Variants in SORCS3 observed in about 807,000 individuals in gnomAD.
SORCS3 encodes the protein VPS10 domain-containing receptor SorCS3.
SORCS3 carries 57 observed loss-of-function variants against 146.3 expected under a neutral mutation model. The observed-to-expected ratio is 0.39, with a 90% CI of 0.31 to 0.49. The LOEUF is 0.49. Among genes scored for constraint, SORCS3 ranks in the 20% least tolerant of loss-of-function variants. SORCS3 has a pLI of 0.92. For missense variants in SORCS3, 1,341 were observed against 1,575.5 expected (o/e 0.85, Z 2.52); for synonymous variants, 653 against 618.5 (o/e 1.06, Z -0.83).
chr10:104,674,494 A>G (rs1259926740), intron 1 of SORCS3, among the ~76,000 whole-genome samples: 1 of 152,248 alleles, frequency 6.6e-6, no homozygotes, highest in Non-Finnish European at 1.5e-5. Flanking sequence ...ACAACCAATG[A>G]AGAATTAAGG....
intron 4 of SORCS3, among the ~76,000 whole-genome samples, chr10:104,989,726 G>A (rs970778900): frequency 3.9e-5 from 6 of 152,130 alleles, no homozygotes; most frequent in African/African-American, 1.2e-4. Context: ...CAGAAGTCCC[G>A]AACTGAGGCC....
intron 4 of SORCS3, among the ~76,000 whole-genome samples, chr10:105,006,832 A>G (rs1589590885): frequency 6.6e-6 from 1 of 152,154 alleles, no homozygotes; most frequent in East Asian, 1.9e-4. Flanking sequence ...ACTTCTTCTC[A>G]ACTTACAACA....
At chr10:105,061,543 C>T (rs1436508968) in intron 5 of SORCS3, among the ~76,000 whole-genome samples, 1 of 151,696 alleles carries the variant, frequency 6.6e-6, no homozygotes, top group Admixed American at 6.6e-5. Context: ...GATCCACCTG[C>T]CTCGGCCCCC....
At chr10:105,180,102 G>A (rs912809224) in intron 14 of SORCS3, among the ~76,000 whole-genome samples, 4 of 152,172 alleles carry the variant, frequency 2.6e-5, no homozygotes, top group African/African-American at 9.6e-5. Context: ...GAACTTAGGA[G>A]ATTTTATAAA....
At chr10:105,171,011 C>T (rs889317524) in intron 13 of SORCS3, among the ~76,000 whole-genome samples, 2 of 152,066 alleles carry the variant, frequency 1.3e-5, no homozygotes, top group African/African-American at 2.4e-5. Flanking sequence ...TGTCATAGAT[C>T]TCAGACTGAC....
At chr10:104,963,342 C>T (rs2054806831) in intron 3 of SORCS3, among the ~76,000 whole-genome samples, 1 of 152,306 alleles carries the variant, frequency 6.6e-6, no homozygotes, top group East Asian at 1.9e-4. Flanking sequence ...CAATACCCTC[C>T]CTGTTGCTAC....
intron 1 of SORCS3, among the ~76,000 whole-genome samples, chr10:104,835,930 C>A (rs1358191335): frequency 2.4e-4 from 37 of 152,256 alleles, no homozygotes; most frequent in Non-Finnish European, 1.6e-4. Context: ...GAAAGTGTAC[C>A]ATTACCCCAT....
At chr10:104,858,916 T>C (rs540996707) in intron 2 of SORCS3, among the ~76,000 whole-genome samples, 5 of 141,216 alleles carry the variant, frequency 3.5e-5, no homozygotes, top group Admixed American at 3.0e-4. Flanking sequence ...CCACCGCACC[T>C]GGCCTGAGAA....
chr10:105,226,549 A>G (rs534994428), intron 20 of SORCS3, among the ~76,000 whole-genome samples: 147 of 152,162 alleles, frequency 9.7e-4, no homozygotes, highest in African/African-American at 3.4e-3. Flanking sequence ...TGGTTTGAGT[A>G]TCAGGGTAAT....
At chr10:105,178,967 G>A (rs1370185715) in intron 14 of SORCS3, among the ~76,000 whole-genome samples, 1 of 152,170 alleles carries the variant, frequency 6.6e-6, no homozygotes, top group Non-Finnish European at 1.5e-5. Flanking sequence ...ATCTTCCTAC[G>A]CTTAGGGACA....
intron 4 of SORCS3, among the ~76,000 whole-genome samples, chr10:105,017,437 G>T (rs2055174870): frequency 6.6e-6 from 1 of 152,170 alleles, no homozygotes; most frequent in Non-Finnish European, 1.5e-5. Flanking sequence ...ACAAAGTCTG[G>T]TTGGATTAGC....
intron 9 of SORCS3, among the ~76,000 whole-genome samples, chr10:105,149,911 G>A (rs1422025290): frequency 6.6e-6 from 1 of 152,142 alleles, no homozygotes; most frequent in Non-Finnish European, 1.5e-5. Context: ...AGTTGGTCTT[G>A]TGTTTTCAGT....
chr10:105,208,347 GAA>G (rs752487151), intron 16 of SORCS3, among the ~76,000 whole-genome samples: 4 of 118,994 alleles, frequency 3.4e-5, no homozygotes, highest in Non-Finnish European at 3.6e-5. Flanking sequence ...TCTCAGAGAG[GAA>G]AAAAAAAAAA....
intron 10 of SORCS3, 66 bp from the exon 11 acceptor site, chr10:105,158,826 C>T: frequency 3.3e-6 from 4 of 1,229,264 alleles, no homozygotes; most frequent in South Asian, 1.2e-5. Flanking sequence ...AAGCCCATCT[C>T]TAGTGGGGCA....
chr10:104,665,899 T>C (rs1359752682), intron 1 of SORCS3: 1 of 152,128 alleles, frequency 6.6e-6, no homozygotes, highest in Non-Finnish European at 1.5e-5. Flanking sequence ...GAAGAGTCCG[T>C]GGGTTCTTAT....
At chr10:105,152,306 A>G (rs1435418929) in intron 9 of SORCS3, among the ~76,000 whole-genome samples, 1 of 152,224 alleles carries the variant, frequency 6.6e-6, no homozygotes, top group South Asian at 2.1e-4. Flanking sequence ...TGCTTCCCAC[A>G]TTTTATAAAG....
chr10:105,001,806 A>T (rs951746622), intron 4 of SORCS3, among the ~76,000 whole-genome samples: 4 of 152,218 alleles, frequency 2.6e-5, no homozygotes, highest in African/African-American at 9.6e-5. Context: ...TAAGCTCTTC[A>T]GGCACAATAT....
intron 5 of SORCS3, among the ~76,000 whole-genome samples, chr10:105,068,075 A>G (rs1033075797): frequency 2.0e-5 from 3 of 151,966 alleles, no homozygotes; most frequent in African/African-American, 4.8e-5. Context: ...CCCTCGCAAC[A>G]TCTCTACCCT....
intron 1 of SORCS3, among the ~76,000 whole-genome samples, chr10:104,696,100 C>T (rs12783079): frequency 1.9e-5 from 1 of 51,558 alleles, no homozygotes; most frequent in African/African-American, 7.2e-5. Flanking sequence ...TATAATATAT[C>T]ATATACACAT....
Sources: allele counts gnomAD v4.1 joint callset (sites outside exome capture counted in the v4.1 genomes callset), GRCh38; gene constraint gnomAD v4.1.1; transcripts MANE v1.5; gene names NCBI Gene and HGNC (gene_info 2026-07-23, HGNC 2026-07-21).